Variants in LRP1B observed in about 807,000 individuals in gnomAD.
LRP1B encodes low-density lipoprotein receptor-related protein 1B.
A neutral mutation model predicts 556.6 loss-of-function variants in LRP1B; 217 were observed. The observed-to-expected ratio is 0.39, with a 90% CI of 0.35 to 0.44. The LOEUF (loss-of-function observed/expected upper bound fraction) is 0.44, where lower values mean the gene tolerates loss of function less well. Ranked by LOEUF, LRP1B falls within the 20% of genes least tolerant of loss-of-function variation. LRP1B has a pLI of 1.00. For missense variants in LRP1B, 5,053 were observed against 5,620.8 expected, an observed-to-expected ratio of 0.90 and a Z score of 3.23; for synonymous variants, 2,047 against 1,865.8, an observed-to-expected ratio of 1.10 and a Z score of -2.50.
At chr2:141,748,122 C>A (rs1053525476) in intron 2 of LRP1B, among the ~76,000 whole-genome samples, 1 of 152,152 alleles carries the variant, frequency 6.6e-6, no homozygotes, top group Non-Finnish European at 1.5e-5. Context: ...ATCTTAATGT[C>A]CATATGCCCT....
chr2:140,970,745 T>C (rs868298290), intron 18 of LRP1B, among the ~76,000 whole-genome samples: 2,471 of 28,076 alleles, frequency 0.088, 285 homozygotes, highest in Middle Eastern at 0.28. Context: ...TTTTTTTTTT[T>C]TTTTTTTTTT....
chr2:140,628,377 A>C (rs374709473), intron 41 of LRP1B, among the ~76,000 whole-genome samples: 92 of 151,756 alleles, frequency 6.1e-4, no homozygotes, highest in South Asian at 3.9e-3. Flanking sequence ...AAAACACACA[A>C]AAAAAATAAA....
chr2:140,650,649 G>A (rs72979822), intron 41 of LRP1B, among the ~76,000 whole-genome samples: 5,515 of 152,082 alleles, frequency 0.036, 153 homozygotes, highest in African/African-American at 0.072. Context: ...ATGCCCGGCC[G>A]ACAGTTAAAT....
chr2:141,291,770 G>A (rs1284963856), intron 3 of LRP1B, among the ~76,000 whole-genome samples: 2 of 148,040 alleles, frequency 1.4e-5, no homozygotes, highest in African/African-American at 5.0e-5. Context: ...GCAGGAGAAT[G>A]GCGTGAACCC....
At chr2:140,715,185 C>G (rs537641736) in intron 37 of LRP1B, among the ~76,000 whole-genome samples, 1 of 152,030 alleles carries the variant, frequency 6.6e-6, no homozygotes, top group Admixed American at 6.6e-5. Context: ...AGGATCATAA[C>G]AGAGGCTTTG....
At chr2:141,193,266 T>C (rs1681600150) in intron 6 of LRP1B, among the ~76,000 whole-genome samples, 1 of 151,980 alleles carries the variant, frequency 6.6e-6, no homozygotes, top group African/African-American at 2.4e-5. Context: ...CATTCTATGA[T>C]AAAGACACAA....
intron 87 of LRP1B, among the ~76,000 whole-genome samples, chr2:140,240,020 T>C (rs1188480682): frequency 6.6e-6 from 1 of 150,918 alleles, no homozygotes; most frequent in African/African-American, 2.4e-5. Context: ...TATCAGTGTT[T>C]GATTTGGATG....
At chr2:141,923,882 T>A (rs1165140100) in intron 1 of LRP1B, among the ~76,000 whole-genome samples, 1 of 152,012 alleles carries the variant, frequency 6.6e-6, no homozygotes, top group Admixed American at 6.6e-5. Flanking sequence ...CTGCAAGGTA[T>A]TAAACTAAGG....
chr2:140,395,012 T>G (rs2105217195), intron 66 of LRP1B, among the ~76,000 whole-genome samples: 1 of 152,344 alleles, frequency 6.6e-6, no homozygotes, highest in East Asian at 1.9e-4. Context: ...GCCCCACATC[T>G]ACTCTATCCA....
intron 66 of LRP1B, among the ~76,000 whole-genome samples, chr2:140,386,451 T>A (rs1422645344): frequency 1.3e-5 from 2 of 152,216 alleles, no homozygotes; most frequent in Admixed American, 1.3e-4. Context: ...TCTTTCTCCC[T>A]AAGGAGCTCT....
At chr2:140,358,763 C>T (rs2105137352) in intron 73 of LRP1B, 58 bp downstream of exon 73, 2 of 1,571,674 alleles carry the variant, frequency 1.3e-6, no homozygotes, top group Non-Finnish European at 1.7e-6. Context: ...GTTTGTACTC[C>T]AAGTCATCAG....
chr2:141,621,750 T>C lies in LRP1B; in HGVS notation c.206-141217A>G, dbSNP rs540081327. ...ATATTTCTTTCACAATTTTGAGTTT[T>C]TGGGTTTGATGTGAAAATAAAAGAA... On this transcript the variant is annotated intron_variant, in intron 2 of 90. Coordinates refer to ENST00000389484, the MANE Select transcript of LRP1B (RefSeq NM_018557.3). Among the ~76,000 whole-genome samples, 10 of 152,306 alleles carry C rather than the reference T, an allele frequency of 6.6e-5. No individual in the cohort carries two copies. In the South Asian group the frequency reaches 1.9e-3, roughly 28 times the overall value.
intron 2 of LRP1B, among the ~76,000 whole-genome samples, chr2:141,624,839 G>A (rs945044263): frequency 2.0e-5 from 3 of 151,952 alleles, no homozygotes; most frequent in Non-Finnish European, 4.4e-5. Context: ...GCGCGATCTC[G>A]GCTCACTGCA....
At chr2:141,815,151 T>C (rs1286060031) in intron 1 of LRP1B, among the ~76,000 whole-genome samples, 3 of 151,972 alleles carry the variant, frequency 2.0e-5, no homozygotes, top group Non-Finnish European at 4.4e-5. Flanking sequence ...AAGAAAAACT[T>C]GTAGAGATGG....
At chr2:140,750,459 C>G (rs527294190) in intron 35 of LRP1B, among the ~76,000 whole-genome samples, 3 of 152,062 alleles carry the variant, frequency 2.0e-5, no homozygotes, top group Admixed American at 6.5e-5. Flanking sequence ...CCACAGAGGA[C>G]ATTTATATGT....
intron 2 of LRP1B, among the ~76,000 whole-genome samples, chr2:141,615,220 A>G (rs1314515507): frequency 6.6e-6 from 1 of 152,248 alleles, no homozygotes; most frequent in East Asian, 1.9e-4. Flanking sequence ...GGATATTTCT[A>G]AGCAAAGTGT....
rs142012635 is a variant in LRP1B at position 140,804,444 on chromosome 2, CTTAT to C, written c.5359+9209_5359+9212del. ...TTGTATGTATTTTTTAAATTTTTCT[CTTAT>C]TTAAGTGTATCATATTAAGTATATC... On this transcript the variant is annotated intron_variant, in intron 32 of 90. Coordinates refer to ENST00000389484, the MANE Select transcript of LRP1B (RefSeq NM_018557.3). Among the ~76,000 whole-genome samples the C allele has an allele frequency of 2.4e-3, 358 of 151,588 alleles. 6 individuals carry two copies. Among genetic ancestry groups the C allele is most frequent in the East Asian group, 8.9e-3 (46 of 5,148 alleles).
At chr2:140,516,647 G>A (rs983642396) in intron 50 of LRP1B, among the ~76,000 whole-genome samples, 1 of 152,044 alleles carries the variant, frequency 6.6e-6, no homozygotes, top group African/African-American at 2.4e-5. Context: ...ATAAACTGAT[G>A]GAAGTAATTA....
chr2:140,417,215 G>A (rs975083440), intron 66 of LRP1B, among the ~76,000 whole-genome samples: 3 of 152,226 alleles, frequency 2.0e-5, no homozygotes, highest in African/African-American at 4.8e-5. Flanking sequence ...TGTCCGCACT[G>A]ACAGCATCAT....
Sources: gnomAD v4.1 joint callset for allele counts (sites outside exome capture counted in the v4.1 genomes callset) on GRCh38, gnomAD v4.1.1 for gene constraint, MANE v1.5 for transcripts, NCBI Gene and HGNC (gene_info 2026-07-23, HGNC 2026-07-21) for gene names.